The following FGF12 variants were observed in gnomAD, a reference collection of about 807,000 sequenced individuals.
FGF12 encodes fibroblast growth factor 12.
A neutral mutation model predicts 23.6 loss-of-function variants in FGF12; 14 were observed. The observed-to-expected ratio is 0.59, with a 90% CI of 0.39 to 0.93. The LOEUF is 0.93. FGF12 is among the 40% of genes least tolerant of loss of function. The probability of loss-of-function intolerance (pLI) is 0.00; values close to 1 mark genes in which losing one functional copy is unlikely to be tolerated. For synonymous variants in FGF12, 62 were observed against 77.3 expected, an observed-to-expected ratio of 0.80 and a Z score of 1.04; for missense variants, 175 against 217.8, an observed-to-expected ratio of 0.80 and a Z score of 1.24.
intron 2 of FGF12, among the ~76,000 whole-genome samples, chr3:192,584,773 G>C (rs1713304740): frequency 6.6e-6 from 1 of 151,926 alleles, no homozygotes; most frequent in East Asian, 1.9e-4. Flanking sequence ...TGCTCTCTCT[G>C]CTTGGCTAAG....
At chr3:192,227,519 G>A (rs1238001049) in intron 4 of FGF12, among the ~76,000 whole-genome samples, 4 of 144,498 alleles carry the variant, frequency 2.8e-5, no homozygotes, top group African/African-American at 1.0e-4. Context: ...TTTAACCAGG[G>A]AAAAAACATT....
intron 2 of FGF12, among the ~76,000 whole-genome samples, chr3:192,509,734 A>T (rs76596992): frequency 0.04 from 6,019 of 152,284 alleles, 397 homozygotes; most frequent in African/African-American, 0.14. Flanking sequence ...AAACCTCATA[A>T]TTTGGTATGC....
At chr3:192,580,587 G>T (rs571031383) in intron 2 of FGF12, among the ~76,000 whole-genome samples, 2 of 152,222 alleles carry the variant, frequency 1.3e-5, no homozygotes, top group South Asian at 2.1e-4. Flanking sequence ...TCAATAAAGA[G>T]ATTTTTTTGT....
chr3:192,240,709 AT>A (rs533302088), intron 4 of FGF12, among the ~76,000 whole-genome samples: 264 of 152,248 alleles, frequency 1.7e-3, no homozygotes, highest in Non-Finnish European at 3.1e-3. Context: ...TCCTATAAAT[AT>A]CTTGGTCTGA....
At chr3:192,362,309 A>G (rs765714000) in intron 2 of FGF12, among the ~76,000 whole-genome samples, 1 of 152,174 alleles carries the variant, frequency 6.6e-6, no homozygotes, top group Non-Finnish European at 1.5e-5. Context: ...ACATATGTAT[A>G]CATGTGCCAT....
chr3:192,670,561 A>T (rs1328395856), intron 2 of FGF12, among the ~76,000 whole-genome samples: 5 of 152,184 alleles, frequency 3.3e-5, no homozygotes, highest in African/African-American at 1.2e-4. Flanking sequence ...AAAGGCCAGG[A>T]TATGATGTAC....
At chr3:192,246,482 T>C (rs1711573077) in intron 4 of FGF12, among the ~76,000 whole-genome samples, 1 of 152,112 alleles carries the variant, frequency 6.6e-6, no homozygotes, top group Non-Finnish European at 1.5e-5. Flanking sequence ...ATGCAGGCTT[T>C]TCCAGGTAGG....
chr3:192,237,189 T>C (rs1376203295), intron 4 of FGF12, among the ~76,000 whole-genome samples: 1 of 152,238 alleles, frequency 6.6e-6, no homozygotes. Context: ...ATAAGGGTTC[T>C]GCTGAAAAGT....
At position 192,557,358 on chromosome 3, in the gene FGF12, C is replaced by T. The variant is rs187213274; in HGVS notation, c.13+169823G>A. Reference sequence around the variant, plus strand: ...AAAAGACATGAAAGAGGTGACATTACAACTCATGCCACAGACATAAAATAA... The same window carrying T: ...AAAAGACATGAAAGAGGTGACATTATAACTCATGCCACAGACATAAAATAA... On this transcript the variant is annotated intron_variant, in intron 2 of 5. Coordinates refer to ENST00000445105, the MANE Select transcript of FGF12 (RefSeq NM_004113.6). Among the ~76,000 whole-genome samples the T allele has an allele frequency of 9.9e-5, 15 of 150,978 alleles. No individual in the cohort carries two copies. The East Asian group carries it at 2.7e-3, about 27-fold the overall frequency.
At chr3:192,695,362 T>G (rs1015873967) in intron 2 of FGF12, among the ~76,000 whole-genome samples, 3 of 152,162 alleles carry the variant, frequency 2.0e-5, no homozygotes, top group African/African-American at 7.2e-5. Flanking sequence ...CCTCCTAGAT[T>G]AAGACTTCAT....
At position 192,653,134 on chromosome 3, in the gene FGF12, T is replaced by C. The variant is rs138904854; in HGVS notation, c.13+74047A>G. On this transcript the variant is annotated intron_variant, in intron 2 of 5. Transcript: ENST00000445105. The stretch of plus-strand genomic sequence containing the variant: ...GGAACACCTATGTCATATTTAAGCA[T>C]GACAGTTACAGAAGAGACGGTGGGC... 8.5e-3 allele frequency among the ~76,000 whole-genome samples: 1,298 copies of C among 152,330 alleles called. 15 individuals are homozygous for C. The highest frequency in any genetic ancestry group is 0.029 in the African/African-American group (1,224 of 41,558).
At chr3:192,489,769 A>G (rs2108825194) in intron 2 of FGF12, among the ~76,000 whole-genome samples, 1 of 152,098 alleles carries the variant, frequency 6.6e-6, no homozygotes, top group African/African-American at 2.4e-5. Flanking sequence ...CACACTAAAG[A>G]TACCACAGAA....
intron 2 of FGF12, among the ~76,000 whole-genome samples, chr3:192,710,997 C>T (rs1377265441): frequency 6.6e-6 from 1 of 152,202 alleles, no homozygotes; most frequent in Non-Finnish European, 1.5e-5. Context: ...AGCCCACCAA[C>T]ATCACTCTAC....
At chr3:192,350,685 T>C (rs1718179645) in intron 3 of FGF12, among the ~76,000 whole-genome samples, 1 of 151,934 alleles carries the variant, frequency 6.6e-6, no homozygotes. Context: ...AACAGCAAGA[T>C]GGCCAGTGGA....
chr3:192,174,466 G>A (rs139413474), intron 4 of FGF12, among the ~76,000 whole-genome samples: 178 of 152,274 alleles, frequency 1.2e-3, no homozygotes, highest in African/African-American at 4.1e-3. Flanking sequence ...AAATGAGGCA[G>A]CTATTAATAC....
At chr3:192,705,736 C>T (rs575515029) in intron 2 of FGF12, among the ~76,000 whole-genome samples, 2 of 152,278 alleles carry the variant, frequency 1.3e-5, no homozygotes, top group East Asian at 3.9e-4. Flanking sequence ...TGCCAATAGA[C>T]TTGCTCAACT....
At chr3:192,258,936 A>G (rs1290315287) in intron 4 of FGF12, among the ~76,000 whole-genome samples, 1 of 152,164 alleles carries the variant, frequency 6.6e-6, no homozygotes, top group South Asian at 2.1e-4. Context: ...GTGTGTTTGC[A>G]TTTGCACGTA....
intron 2 of FGF12, among the ~76,000 whole-genome samples, chr3:192,632,969 A>G (rs925598436): frequency 1.3e-5 from 2 of 151,984 alleles, no homozygotes; most frequent in African/African-American, 2.4e-5. Flanking sequence ...CGATGCATCA[A>G]TTCAGCCTCT....
At chr3:192,168,320 ATTAC>A (rs1715343291) in intron 5 of FGF12, among the ~76,000 whole-genome samples, 1 of 152,194 alleles carries the variant, frequency 6.6e-6, no homozygotes, top group Admixed American at 6.5e-5. Flanking sequence ...CTGTGAAAAT[ATTAC>A]TTACTTCTCA....
Sources: gnomAD v4.1 joint callset for allele counts (sites outside exome capture counted in the v4.1 genomes callset) on GRCh38, gnomAD v4.1.1 for gene constraint, MANE v1.5 for transcripts, NCBI Gene and HGNC (gene_info 2026-07-23, HGNC 2026-07-21) for gene names.